FYB2: variants seen among roughly 807,000 people sequenced by gnomAD.
FYB2 encodes FYN-binding protein 2.
A neutral mutation model predicts 94.1 loss-of-function variants in FYB2; 103 were observed. The ratio of observed to expected loss-of-function variants is 1.09; its 90% CI spans 0.93 to 1.29. FYB2 has a LOEUF of 1.29. Among genes scored for constraint, FYB2 ranks in the 50% most tolerant of loss-of-function variants. The pLI is 0.00. For synonymous variants in FYB2, 293 were observed against 287.9 expected, an observed-to-expected ratio of 1.02 and a Z score of -0.18; for missense variants, 896 against 841.5, an observed-to-expected ratio of 1.06 and a Z score of -0.80.
intron 11 of FYB2, among the ~76,000 whole-genome samples, chr1:56,742,477 A>G (rs866696397): frequency 4.6e-5 from 7 of 152,250 alleles, no homozygotes; most frequent in Non-Finnish European, 5.9e-5. Flanking sequence ...TTAGTCAAAG[A>G]AAGTTGGTTC....
intron 9 of FYB2, among the ~76,000 whole-genome samples, chr1:56,746,626 G>GT (rs892579533): frequency 4.7e-4 from 72 of 151,692 alleles, no homozygotes; most frequent in African/African-American, 1.7e-3. Flanking sequence ...GTTGCAAATA[G>GT]TTTTTTTTGC....
intron 16 of FYB2, among the ~76,000 whole-genome samples, chr1:56,724,039 A>G (rs1644538143): frequency 6.6e-6 from 1 of 151,806 alleles, no homozygotes; most frequent in African/African-American, 2.4e-5. Context: ...ACTTGTCTGA[A>G]TGAGACTTAG....
Position 56,792,443 on chromosome 1 carries a change from T to C in FYB2, c.370A>G (p.Ile124Val), listed in dbSNP as rs749734083. 5.0e-6 allele frequency: 8 copies of C among 1,614,226 alleles called. No homozygotes were observed. In the Admixed American group the frequency reaches 1.2e-4, roughly 24 times the overall value. The change falls in exon 2 of 20, where the codon ATA (isoleucine) becomes GTA (valine). Residue 124 changes from isoleucine (I) to valine (V), a missense_variant. Transcript: ENST00000343433. The part of the protein sequence containing the change: ...LLEVTQSNVE[I>V]ITKEKVMVAN... ...ACCATTACTTTTTCCTTAGTGATTATCTCAACATTTGATTGAGTCACCTCT... is the reference window on the plus strand; with the variant it reads ...ACCATTACTTTTTCCTTAGTGATTACCTCAACATTTGATTGAGTCACCTCT...
intron 1 of FYB2, among the ~76,000 whole-genome samples, chr1:56,805,432 T>G (rs1646622135): frequency 6.6e-6 from 1 of 152,210 alleles, no homozygotes; most frequent in South Asian, 2.1e-4. Flanking sequence ...GCACTGCACA[T>G]AGCAGCTTGT....
At chr1:56,794,671 AAC>A (rs142250655) in intron 1 of FYB2, among the ~76,000 whole-genome samples, 28 of 151,384 alleles carry the variant, frequency 1.8e-4, no homozygotes, top group African/African-American at 5.6e-4. Context: ...TTATCTCTCT[AAC>A]ACACACACAC....
chr1:56,807,286 T>C (rs918886957), intron 1 of FYB2, among the ~76,000 whole-genome samples: 3 of 152,216 alleles, frequency 2.0e-5, no homozygotes, highest in Admixed American at 6.5e-5. Context: ...ACTCCACAGC[T>C]ATGATGTAAA....
At chr1:56,732,750 G>A (rs1016580451) in intron 15 of FYB2, among the ~76,000 whole-genome samples, 1 of 151,986 alleles carries the variant, frequency 6.6e-6, no homozygotes, top group Non-Finnish European at 1.5e-5. Context: ...TTCAGTAAAT[G>A]GTGCTAGGAA....
Position 56,792,076 on chromosome 1 carries a change from T to C in FYB2, c.737A>G (p.Glu246Gly). The change falls in exon 2 of 20, where the codon GAG becomes GGG. Residue 246 changes from glutamate to glycine, a missense_variant. Physicochemically the swap from Glu to Gly is moderately conservative, Grantham distance 98. Coordinates refer to ENST00000343433, the MANE Select transcript of FYB2 (RefSeq NM_001004303.5). ...GTTACCTGGGGCCTGACTGGCAAGC[T>C]CACACTCATAGATGGGCTGGCAGGG... ...SSPCQPIYEC[E>G]LASQAPEKQP... 12 of 1,597,796 alleles carry C rather than the reference T, an allele frequency of 7.5e-6. No individual in the cohort carries two copies. The highest frequency in any genetic ancestry group is 1.0e-5 in the Non-Finnish European group (12 of 1,173,928).
At chr1:56,762,368 G>A (rs773611736) in intron 5 of FYB2, among the ~76,000 whole-genome samples, 2 of 152,006 alleles carry the variant, frequency 1.3e-5, no homozygotes, top group Non-Finnish European at 2.9e-5. Flanking sequence ...CCATAAACAT[G>A]GTATGTCTCT....
intron 1 of FYB2, among the ~76,000 whole-genome samples, chr1:56,808,147 T>G (rs1025222491): frequency 6.6e-6 from 1 of 152,180 alleles, no homozygotes; most frequent in Non-Finnish European, 1.5e-5. Context: ...TTGTTTACTC[T>G]GCCACTATAC....
At chr1:56,813,321 G>A (rs72668389) in intron 1 of FYB2, among the ~76,000 whole-genome samples, 1 of 151,990 alleles carries the variant, frequency 6.6e-6, no homozygotes, top group African/African-American at 2.4e-5. Context: ...CACAATCATG[G>A]TAGAAGGCAA....
At chr1:56,814,516 T>C (rs951766722) in intron 1 of FYB2, among the ~76,000 whole-genome samples, 1 of 152,216 alleles carries the variant, frequency 6.6e-6, no homozygotes. Flanking sequence ...GGTCACTTAA[T>C]GTGTCACTGT....
intron 1 of FYB2, among the ~76,000 whole-genome samples, chr1:56,793,076 C>T (rs1646311739): frequency 1.3e-5 from 2 of 152,076 alleles, no homozygotes; most frequent in Admixed American, 1.3e-4. Context: ...ACATAAAGAA[C>T]ACCTATATAC....
In FYB2 at chr1:56,744,169, C is replaced by A. The variant is rs1459465492; in HGVS notation, c.1485G>T (p.Glu495Asp). The A allele has an allele frequency of 1.9e-6, 3 of 1,612,602 alleles. No individual in the cohort carries two copies. The highest frequency in any genetic ancestry group is 2.5e-6 in the Non-Finnish European group (3 of 1,179,188). ...TTACTTACACCTCTTTCCTGGAGTA[C>A]TCGACATCATCATATATCTCCTCCG... ...SISEEIYDDV[E>D]YSRKEVPKLN... Residue 495 changes from glutamate (E) to aspartate (D), a missense_variant, in exon 10 of 20, where the codon GAG becomes GAT. By Grantham distance (45) the Glu-to-Asp change is conservative. Transcript: ENST00000343433.
intron 5 of FYB2, among the ~76,000 whole-genome samples, chr1:56,763,286 A>C (rs1645542883): frequency 6.6e-6 from 1 of 152,188 alleles, no homozygotes; most frequent in Admixed American, 6.5e-5. Context: ...CTTTAAAAAA[A>C]TGTGTTTTCT....
intron 5 of FYB2, among the ~76,000 whole-genome samples, chr1:56,764,969 T>C (rs1168016937): frequency 6.6e-6 from 1 of 152,208 alleles, no homozygotes; most frequent in Non-Finnish European, 1.5e-5. Flanking sequence ...CCTCATGACC[T>C]CATGTAATAC....
intron 16 of FYB2, 127 bp from the exon 17 acceptor site, chr1:56,723,808 AAAT>A (rs1389750395): frequency 1.8e-5 from 11 of 604,644 alleles, no homozygotes; most frequent in Non-Finnish European, 3.2e-5. Context: ...ATTTTATATA[AAAT>A]AATACACAAA....
At chr1:56,807,678 C>T (rs1054260811) in intron 1 of FYB2, among the ~76,000 whole-genome samples, 2 of 152,276 alleles carry the variant, frequency 1.3e-5, no homozygotes, top group African/African-American at 4.8e-5. Context: ...ACCTCAGATT[C>T]TTCTAACAAC....
In FYB2 at chr1:56,745,469, T is replaced by C. The variant is rs151333621; in HGVS notation, c.1388-1203A>G. On this transcript the variant is annotated intron_variant, in intron 9 of 19. Transcript: ENST00000343433. ...TTTATGTTGCTCAGGCCCAAAACCTTGGAGACATCCTCGATTCATTTCTCT... is the reference window on the plus strand; with the variant it reads ...TTTATGTTGCTCAGGCCCAAAACCTCGGAGACATCCTCGATTCATTTCTCT... Among the ~76,000 whole-genome samples the C allele has an allele frequency of 3.5e-3, 537 of 152,132 alleles. 7 individuals are homozygous for C. The highest frequency in any genetic ancestry group is 0.032 in the South Asian group (156 of 4,822).
Sources: allele counts gnomAD v4.1 joint callset (sites outside exome capture counted in the v4.1 genomes callset), GRCh38; gene constraint gnomAD v4.1.1; transcripts MANE v1.5; gene names NCBI Gene and HGNC (gene_info 2026-07-23, HGNC 2026-07-21).